CELSR1: variants seen among roughly 807,000 people sequenced by gnomAD.
CELSR1 encodes the protein adhesion G protein-coupled receptor C1.
In CELSR1, 110 loss-of-function variants were observed where a neutral mutation model predicts 249.1. That is an observed-to-expected ratio of 0.44 (90% CI 0.38 to 0.52). The LOEUF is 0.52. Among genes scored for constraint, CELSR1 ranks in the 20% least tolerant of loss-of-function variants. The probability of loss-of-function intolerance (pLI) is 0.00; values close to 1 mark genes in which losing one functional copy is unlikely to be tolerated. For synonymous variants in CELSR1, 2,113 were observed against 1,900.0 expected (o/e 1.11, Z -2.92); for missense variants, 4,109 against 4,296.4 (o/e 0.96, Z 1.22).
chr22:46,426,394 CA>C (rs2079538387), intron 5 of CELSR1, among the ~76,000 whole-genome samples: 1 of 152,128 alleles, frequency 6.6e-6, no homozygotes, highest in South Asian at 2.1e-4. Context: ...GCTGCGAGTC[CA>C]AAATCAAGGT....
intron 5 of CELSR1, among the ~76,000 whole-genome samples, chr22:46,424,510 A>G (rs1278690245): frequency 6.6e-6 from 1 of 152,212 alleles, no homozygotes; most frequent in East Asian, 1.9e-4. Flanking sequence ...GCAAAAAGAT[A>G]GTATAATATC....
chr22:46,481,365 G>A (rs901232607), intron 1 of CELSR1: 106 of 854,914 alleles, frequency 1.2e-4, no homozygotes, highest in Non-Finnish European at 1.9e-4. Context: ...TCACCTTCTC[G>A]GTCATAGTTG....
chr22:46,482,543 G>T (rs1406218448), intron 1 of CELSR1, among the ~76,000 whole-genome samples: 1 of 152,082 alleles, frequency 6.6e-6, no homozygotes, highest in Admixed American at 6.6e-5. Flanking sequence ...TAAGTGACTT[G>T]CCCAAGGTCA....
chr22:46,450,088 C>T (rs147159219), intron 2 of CELSR1, among the ~76,000 whole-genome samples: 8 of 152,376 alleles, frequency 5.3e-5, no homozygotes, highest in Non-Finnish European at 7.3e-5. Context: ...AGGCCCCCAC[C>T]GGAGATAGGA....
Position 46,372,980 on chromosome 22 carries a change from C to T in CELSR1, c.7662G>A (p.Leu2554=), listed in dbSNP as rs1207033651. The T allele has an allele frequency of 6.2e-7, 1 of 1,613,354 alleles. No homozygotes were observed. The highest frequency in any genetic ancestry group is 8.5e-7 in the Non-Finnish European group (1 of 1,179,870). ...STFAWTLVES[L]HVYRMLTEVR... ...CCTCGGTCAGCATGCGGTAGACATG[C>T]AGGCTCTCCACGAGGGTCCAGGCAA... Residue 2554 remains leucine (L), a synonymous_variant, in exon 25 of 35, where the codon CTG becomes CTA. Coordinates refer to ENST00000674500, the MANE Select transcript of CELSR1 (RefSeq NM_001378328.1).
At chr22:46,510,441 A>C (rs992464425) in intron 1 of CELSR1, among the ~76,000 whole-genome samples, 5 of 151,942 alleles carry the variant, frequency 3.3e-5, no homozygotes, top group African/African-American at 9.7e-5. Context: ...TCAGGGCCCC[A>C]TTGTCCCTGG....
At chr22:46,478,878 G>A (rs540431889) in intron 1 of CELSR1, among the ~76,000 whole-genome samples, 119 of 152,036 alleles carry the variant, frequency 7.8e-4, no homozygotes, top group African/African-American at 2.9e-3. Context: ...AGTAAACACA[G>A]CAACGAGCCC....
chr22:46,474,508 G>A (rs986453485), intron 1 of CELSR1, among the ~76,000 whole-genome samples: 2 of 152,078 alleles, frequency 1.3e-5, no homozygotes, highest in Non-Finnish European at 2.9e-5. Context: ...CTGACCCCTA[G>A]ACATTGTGTA....
Position 46,436,192 on chromosome 22 carries a change from G to A in CELSR1, c.4504C>T (p.Gln1502Ter). The change falls in exon 4 of 35, where the codon CAG (glutamine) becomes TAG (stop). Residue 1502 changes from glutamine to a stop codon, truncating the protein, a stop_gained. Coordinates refer to ENST00000674500, the MANE Select transcript of CELSR1 (RefSeq NM_001378328.1). LOFTEE classifies it high-confidence loss of function. This position sits in a 1 kb window ranked among gnomAD's most constrained non-coding sequence, Gnocchi z 5.9. ...IALEIVDEQV[Q>*]LTFSAGETTT... ...GCCCCACCTGCAGAGAAGGTGAGCTGCACCTGCTCGTCCACGATCTCCAGG... is the reference window on the plus strand; with the variant it reads ...GCCCCACCTGCAGAGAAGGTGAGCTACACCTGCTCGTCCACGATCTCCAGG... 2 of 1,609,242 alleles carry A rather than the reference G, an allele frequency of 1.2e-6. No individual in the cohort carries two copies. The highest frequency in any genetic ancestry group is 1.7e-6 in the Non-Finnish European group (2 of 1,175,784).
intron 5 of CELSR1, among the ~76,000 whole-genome samples, chr22:46,426,564 G>C (rs1365478976): frequency 2.0e-5 from 3 of 152,130 alleles, no homozygotes; most frequent in African/African-American, 7.2e-5. Flanking sequence ...CCTCCCAAAG[G>C]CTGCACTTCC....
Position 46,519,504 on chromosome 22 carries a change from C to T in CELSR1, c.3544+14123G>A, listed in dbSNP as rs139183728. 8.2e-4 allele frequency among the ~76,000 whole-genome samples: 125 copies of T among 152,356 alleles called. 1 individual carries two copies. The East Asian group carries it at 0.023, about 28-fold the overall frequency. On this transcript the variant is annotated intron_variant, in intron 1 of 34. Transcript: ENST00000674500. ...GCCCCCGGGTTGGCCCGGGGAGCAG[C>T]GGTCTCAGCCGCCCACTACAGCTCA...
Position 46,364,674 on chromosome 22 carries a change from T to G in CELSR1, c.8617A>C (p.Ser2873Arg), listed in dbSNP as rs2147153269. 2 of 1,612,626 alleles carry G rather than the reference T, an allele frequency of 1.2e-6. No homozygotes were observed. Residue 2873 changes from serine (S) to arginine (R), a missense_variant, in exon 33 of 35, where the codon AGT (serine) becomes CGT (arginine). Transcript: ENST00000674500. ...WPDQSLAESD[S>R]EDPSGKPRLK... ...CGGGGCTTGCCGCTGGGGTCCTCAC[T>G]GTCACTCTCAGCCAGGCTCTGGTCG...
Position 46,436,370 on chromosome 22 carries a change from A to G in CELSR1, c.4407-81T>C. The stretch of plus-strand genomic sequence containing the variant: ...GCCTAGGAATGACAAGTCCAGCCGG[A>G]GGAGGGCAAGCACGTGGGGCTACGA... On this transcript the variant is annotated intron_variant, in intron 3 of 34. Coordinates refer to ENST00000674500, the MANE Select transcript of CELSR1 (RefSeq NM_001378328.1). This position sits in a 1 kb window ranked among gnomAD's most constrained non-coding sequence, Gnocchi z 5.9. 2.0e-6 allele frequency: 2 copies of G among 993,802 alleles called. No individual in the cohort carries two copies. Among genetic ancestry groups the G allele is most frequent in the Non-Finnish European group, 3.1e-6 (2 of 637,294 alleles). 61.6% of individuals were successfully genotyped at this position (993,802 alleles called of 1,614,324 possible).
Position 46,381,999 on chromosome 22 carries a change from C to T in CELSR1, c.6935G>A (p.Arg2312His), listed in dbSNP as rs7287089. 70 of 1,563,702 alleles carry T rather than the reference C, an allele frequency of 4.5e-5. No individual in the cohort carries two copies. The highest frequency in any genetic ancestry group is 5.6e-5 in the Non-Finnish European group (65 of 1,156,510). Residue 2312 changes from arginine to histidine, a missense_variant, in exon 21 of 35, where the codon CGC (arginine) becomes CAC (histidine). Around this residue, in one of 7 missense-constraint regions of CELSR1, gnomAD observed 1,805 missense variants for 1,831.6 expected, o/e 0.99. Coordinates refer to ENST00000674500, the MANE Select transcript of CELSR1 (RefSeq NM_001378328.1). The surrounding 1 kb of genome is among the most constrained non-coding windows in gnomAD (Gnocchi z 6.0). ...CTCCCTCTCGGTGCCAGGCCCCGGG[C>T]GCGTGGTCTGCGGGGTGGTCCTCCG... Reference protein sequence around the residue: ...AGRRTTPQTTRPGPGTEREAP... With the variant: ...AGRRTTPQTTHPGPGTEREAP...
chr22:46,480,625 C>A (rs1157374070), intron 1 of CELSR1, among the ~76,000 whole-genome samples: 1 of 152,134 alleles, frequency 6.6e-6, no homozygotes, highest in Non-Finnish European at 1.5e-5. Flanking sequence ...ATGTTGGCAA[C>A]GAAGAGGAAA....
chr22:46,443,998 G>C (rs981695740), intron 2 of CELSR1, among the ~76,000 whole-genome samples: 1 of 152,212 alleles, frequency 6.6e-6, no homozygotes, highest in Non-Finnish European at 1.5e-5. Context: ...ACCCAACCTC[G>C]ACGGCAAACA....
intron 5 of CELSR1, among the ~76,000 whole-genome samples, chr22:46,426,208 T>C (rs1012552819): frequency 1.6e-5 from 2 of 126,132 alleles, no homozygotes; most frequent in African/African-American, 7.3e-5. Context: ...TAATGGAAGG[T>C]TGAGAAAAAT....
In CELSR1 at chr22:46,430,162, C is replaced by A. The variant is rs895802825; in HGVS notation, c.4611+3231G>T. ...GCAGGTGGCCCACACCTCAGAGACA[C>A]AGCCACTCTGGAGGGCGGGGGACAG... On this transcript the variant is annotated intron_variant, in intron 5 of 34. Transcript: ENST00000674500. The surrounding 1 kb of genome is among the most constrained non-coding windows in gnomAD (Gnocchi z 4.6). Among the ~76,000 whole-genome samples, 35 of 152,232 alleles carry A rather than the reference C, an allele frequency of 2.3e-4. No individual in the cohort carries two copies. The highest frequency in any genetic ancestry group is 7.5e-4 in the African/African-American group (31 of 41,458).
chr22:46,463,878 A>G lies in CELSR1; in HGVS notation c.4012T>C (p.Phe1338Leu). ...APFLSSTTVL[F>L]RPIHPINGLR... is the part of the protein sequence containing the mutation. The stretch of plus-strand genomic sequence containing the variant: ...CCGTTGATGGGGTGGATGGGCCGGA[A>G]GAGCACGGTGGTGGAGCTGAGGAAG... Residue 1338 changes from phenylalanine to leucine, a missense_variant, in exon 2 of 35, where the codon TTC (phenylalanine) becomes CTC (leucine). This residue lies in a region of CELSR1 where 141 missense variants were observed against 209.4 expected (regional missense o/e 0.67). Coordinates refer to ENST00000674500, the MANE Select transcript of CELSR1 (RefSeq NM_001378328.1). The G allele has an allele frequency of 6.2e-7, 1 of 1,613,208 alleles. No homozygotes were observed. The highest frequency in any genetic ancestry group is 8.5e-7 in the Non-Finnish European group (1 of 1,179,598).
Sources: gnomAD v4.1 joint callset for allele counts (sites outside exome capture counted in the v4.1 genomes callset) on GRCh38, gnomAD v4.1.1 for gene constraint, gnomAD v4.1.1 regional missense constraint, Gnocchi (gnomAD v3.1) non-coding constraint, MANE v1.5 for transcripts, NCBI Gene and HGNC (gene_info 2026-07-23, HGNC 2026-07-21) for gene names.